The following SLC35F4 variants were observed in gnomAD, a reference collection of about 807,000 sequenced individuals.
The protein encoded by SLC35F4 is chromosome 14 open reading frame 36.
A neutral mutation model predicts 44.2 loss-of-function variants in SLC35F4; 24 were observed. The observed-to-expected ratio is 0.54, with a 90% confidence interval of 0.39 to 0.76. The LOEUF is 0.76. Ranked by LOEUF, SLC35F4 falls within the 30% of genes least tolerant of loss-of-function variation. The pLI is 0.00. For missense variants in SLC35F4, 562 were observed against 586.1 expected (o/e 0.96, Z 0.42); for synonymous variants, 238 against 223.6 (o/e 1.06, Z -0.57).
rs752341870 is a variant in SLC35F4 at position 57,572,001 on chromosome 14, C to A, written c.826G>T (p.Ala276Ser). 1 of 1,610,252 alleles carries A rather than the reference C, an allele frequency of 6.2e-7. No individual in the cohort carries two copies. Among genetic ancestry groups the A allele is most frequent in the Non-Finnish European group, 8.5e-7 (1 of 1,178,184 alleles). The stretch of plus-strand genomic sequence containing the variant: ...GCCATCATGACAATGCCGGTAATTG[C>A]CATTATTGCAGCAACTATCTGTCAA... ...MGVRIVAAIM[A>S]ITGIVMMAYA... is the part of the protein sequence containing the mutation. The change falls in exon 5 of 8, where the codon GCA becomes TCA. Residue 276 changes from alanine (A) to serine (S), a missense_variant. Ala to Ser is a moderately conservative substitution (Grantham distance 99). Coordinates refer to ENST00000556826, the MANE Select transcript of SLC35F4 (RefSeq NM_001306087.2).
intron 1 of SLC35F4, among the ~76,000 whole-genome samples, chr14:57,876,627 G>A (rs1277442770): frequency 2.6e-5 from 4 of 152,298 alleles, no homozygotes; most frequent in Non-Finnish European, 5.9e-5. Context: ...TAAGATTGAA[G>A]AAGTTGGTTG....
chr14:57,847,682 A>G (rs1165633117), intron 1 of SLC35F4, among the ~76,000 whole-genome samples: 1 of 152,212 alleles, frequency 6.6e-6, no homozygotes, highest in East Asian at 1.9e-4. Context: ...TGACATTTTC[A>G]TAAACGTATC....
intron 1 of SLC35F4, among the ~76,000 whole-genome samples, chr14:57,839,295 A>T (rs550760390): frequency 2.6e-5 from 4 of 152,168 alleles, no homozygotes; most frequent in African/African-American, 9.7e-5. Flanking sequence ...GTTGCTCTTT[A>T]TGTAATATTG....
chr14:57,964,719 C>T (rs1890401620), intron 1 of SLC35F4, among the ~76,000 whole-genome samples: 1 of 151,870 alleles, frequency 6.6e-6, no homozygotes, highest in Admixed American at 6.6e-5. Flanking sequence ...TGTAAAAGGC[C>T]TCAAGGTGGG....
intron 1 of SLC35F4, among the ~76,000 whole-genome samples, chr14:57,806,052 T>G (rs879867069): frequency 1.3e-5 from 2 of 152,218 alleles, no homozygotes; most frequent in Non-Finnish European, 2.9e-5. Context: ...TCTATTCAAA[T>G]AAAATACCAC....
At chr14:57,580,818 G>A (rs7142989) in intron 4 of SLC35F4, among the ~76,000 whole-genome samples, 9,065 of 152,028 alleles carry the variant, frequency 0.06, 782 homozygotes, top group African/African-American at 0.18. Flanking sequence ...ATCTGGTGGG[G>A]GGAATGGGGG....
chr14:57,982,762 C>T (rs543345436), upstream of SLC35F4, among the ~76,000 whole-genome samples: 3 of 152,052 alleles, frequency 2.0e-5, no homozygotes, highest in South Asian at 2.1e-4. Flanking sequence ...ATGTGCAGAA[C>T]GTGCCTGCAC....
rs539060853 is a variant in SLC35F4, at chr14:57,929,273, G to A, written n.282+52640C>T. Among the ~76,000 whole-genome samples the A allele has an allele frequency of 7.2e-5, 11 of 152,180 alleles. No individual in the cohort carries two copies. The South Asian group carries it at 2.1e-3, about 29-fold the overall frequency. On this transcript the variant is annotated intron_variant and non_coding_transcript_variant, in intron 1 of 1. Transcript: ENST00000556568. ...CAAGGTGAAATAATAAATGAAAGATGAGTAAACTAAGCAAAAGAATATGAA... is the reference window on the plus strand; with the variant it reads ...CAAGGTGAAATAATAAATGAAAGATAAGTAAACTAAGCAAAAGAATATGAA...
chr14:57,886,913 G>A (rs868033144), intron 1 of SLC35F4, among the ~76,000 whole-genome samples: 1 of 152,168 alleles, frequency 6.6e-6, no homozygotes, highest in Non-Finnish European at 1.5e-5. Context: ...AACAAGGAAG[G>A]GAGCCTGAAA....
intron 1 of SLC35F4, among the ~76,000 whole-genome samples, chr14:57,783,596 G>C (rs918881723): frequency 3.9e-5 from 6 of 152,148 alleles, no homozygotes; most frequent in Non-Finnish European, 7.4e-5. Flanking sequence ...CCAATCTTTT[G>C]ATTGTGCAAC....
Position 57,778,796 on chromosome 14 carries a change from A to G in SLC35F4, c.103+86927T>C, listed in dbSNP as rs116259682. Among the ~76,000 whole-genome samples, 538 of 152,300 alleles carry G rather than the reference A, an allele frequency of 3.5e-3. 6 individuals carry two copies. The highest frequency in any genetic ancestry group is 0.012 in the African/African-American group (498 of 41,568). On this transcript the variant is annotated intron_variant, in intron 1 of 7. Coordinates refer to ENST00000556826, the MANE Select transcript of SLC35F4 (RefSeq NM_001306087.2). Reference sequence around the variant, plus strand: ...ACTCTCAGACCACAGCGCAATAAAAATAGAAATCAAAACTAAGAAAATCAC... The same window carrying G: ...ACTCTCAGACCACAGCGCAATAAAAGTAGAAATCAAAACTAAGAAAATCAC...
intron 1 of SLC35F4, among the ~76,000 whole-genome samples, chr14:57,971,451 C>A (rs112743139): frequency 2.6e-5 from 4 of 152,314 alleles, no homozygotes; most frequent in African/African-American, 9.6e-5. Flanking sequence ...AAGGTGGATT[C>A]TCCCCCTATC....
chr14:57,663,202 C>T (rs73305913), intron 1 of SLC35F4, among the ~76,000 whole-genome samples: 3,890 of 152,158 alleles, frequency 0.026, 156 homozygotes, highest in African/African-American at 0.087. Flanking sequence ...TCAGTTTTAC[C>T]GTATAGATGT....
At chr14:57,786,839 T>C (rs937442870) in intron 1 of SLC35F4, among the ~76,000 whole-genome samples, 5 of 152,090 alleles carry the variant, frequency 3.3e-5, no homozygotes, top group Admixed American at 6.6e-5. Flanking sequence ...ACCCTGGTAA[T>C]ATGACAAAAC....
At chr14:57,716,361 T>A (rs2075943961) in intron 1 of SLC35F4, among the ~76,000 whole-genome samples, 1 of 152,178 alleles carries the variant, frequency 6.6e-6, no homozygotes, top group Non-Finnish European at 1.5e-5. Flanking sequence ...ATGTTGCAAT[T>A]TTTTGAATTG....
In SLC35F4 at chr14:57,827,422, C is replaced by A. The variant is rs183951897; in HGVS notation, c.103+38301G>T. Among the ~76,000 whole-genome samples the A allele has an allele frequency of 2.0e-3, 302 of 152,150 alleles. 1 individual carries two copies. Among genetic ancestry groups the A allele is most frequent in the African/African-American group, 6.9e-3 (288 of 41,518 alleles). On this transcript the variant is annotated intron_variant, in intron 1 of 7. Transcript: ENST00000556826. ...GCTCAATACCTAGGAGATAAGTTGA[C>A]AAGTACAGCAAACCACCATGGCACA...
chr14:57,574,073 A>C (rs1465236881), intron 4 of SLC35F4, among the ~76,000 whole-genome samples: 4 of 152,130 alleles, frequency 2.6e-5, no homozygotes, highest in East Asian at 3.9e-4. Flanking sequence ...CAATTAAAAA[A>C]CCCCAAAGCA....
chr14:57,728,354 T>C (rs2076255304), intron 1 of SLC35F4, among the ~76,000 whole-genome samples: 1 of 152,030 alleles, frequency 6.6e-6, no homozygotes, highest in Non-Finnish European at 1.5e-5. Context: ...CTATGTCTTT[T>C]GATTATACTA....
chr14:57,896,914 T>C (rs1016698169), intron 1 of SLC35F4, among the ~76,000 whole-genome samples: 8 of 152,204 alleles, frequency 5.3e-5, no homozygotes, highest in African/African-American at 1.9e-4. Flanking sequence ...TTTAATTGTT[T>C]TCATTGATTA....
Sources: gnomAD v4.1 joint callset for allele counts (sites outside exome capture counted in the v4.1 genomes callset) on GRCh38, gnomAD v4.1.1 for gene constraint, MANE v1.5 for transcripts, NCBI Gene and HGNC (gene_info 2026-07-23, HGNC 2026-07-21) for gene names.